NDST4: variants seen among roughly 807,000 people sequenced by gnomAD.
The protein encoded by NDST4 is N-deacetylase and N-sulfotransferase 4, also known as N-heparan sulfate sulfotransferase 4.
In NDST4, 63 loss-of-function variants were observed where a neutral mutation model predicts 100.8. The ratio of observed to expected loss-of-function variants is 0.62; its 90% CI spans 0.51 to 0.77. The LOEUF (loss-of-function observed/expected upper bound fraction) is 0.77, where lower values mean the gene tolerates loss of function less well. Ranked by LOEUF, NDST4 falls within the 30% of genes least tolerant of loss-of-function variation. The probability of loss-of-function intolerance (pLI) is 0.00; values close to 1 mark genes in which losing one functional copy is unlikely to be tolerated. For synonymous variants in NDST4, 377 were observed against 361.8 expected (o/e 1.04, Z -0.48); for missense variants, 943 against 1,018.4 (o/e 0.93, Z 1.01).
intron 2 of NDST4, among the ~76,000 whole-genome samples, chr4:115,036,195 G>A (rs954705578): frequency 6.6e-6 from 1 of 151,408 alleles, no homozygotes; most frequent in African/African-American, 2.4e-5. Context: ...GTTGGAAAAT[G>A]TTTTCTAATT....
At chr4:115,024,157 T>C (rs1482314892) in intron 2 of NDST4, among the ~76,000 whole-genome samples, 2 of 152,048 alleles carry the variant, frequency 1.3e-5, no homozygotes, top group Non-Finnish European at 2.9e-5. Flanking sequence ...CAGCCCCCAC[T>C]AGGAAAATGC....
chr4:114,979,776 T>A (rs774976655), intron 2 of NDST4, among the ~76,000 whole-genome samples: 8 of 152,078 alleles, frequency 5.3e-5, no homozygotes, highest in Non-Finnish European at 1.0e-4. Context: ...TATCTAGTCA[T>A]GGCCTACTAA....
At chr4:114,951,034 A>G (rs1227983166) in intron 4 of NDST4, among the ~76,000 whole-genome samples, 1 of 152,036 alleles carries the variant, frequency 6.6e-6, no homozygotes, top group Non-Finnish European at 1.5e-5. Flanking sequence ...GGAAGTCAGG[A>G]AAGAAAAGAA....
chr4:115,053,124 T>C (rs1166967003), intron 2 of NDST4, among the ~76,000 whole-genome samples: 1 of 152,174 alleles, frequency 6.6e-6, no homozygotes, highest in Non-Finnish European at 1.5e-5. Context: ...GGAGACATAA[T>C]GTATTGACTG....
At position 115,028,701 on chromosome 4, in the gene NDST4, T is replaced by C. The variant is rs146809123; in HGVS notation, c.978+47358A>G. On this transcript the variant is annotated intron_variant, in intron 2 of 13. Transcript: ENST00000264363. ...TAGATGTATGGCAATATAATAAAAATTGAAAAGACTAATTATGAATAGGAA... is the reference window on the plus strand; with the variant it reads ...TAGATGTATGGCAATATAATAAAAACTGAAAAGACTAATTATGAATAGGAA... Among the ~76,000 whole-genome samples the C allele has an allele frequency of 5.6e-3, 852 of 152,110 alleles. 10 individuals carry two copies. The highest frequency in any genetic ancestry group is 0.02 in the African/African-American group (816 of 41,516).
chr4:114,848,421 T>C (rs1441612630), intron 8 of NDST4, 83 bp from the exon 9 acceptor site: 23 of 1,092,972 alleles, frequency 2.1e-5, no homozygotes, highest in Non-Finnish European at 2.8e-5. Flanking sequence ...CAAAAAGTAA[T>C]ATTAAAATAA....
chr4:114,882,276 C>T (rs1270744017), intron 6 of NDST4, among the ~76,000 whole-genome samples: 1 of 151,774 alleles, frequency 6.6e-6, no homozygotes, highest in East Asian at 1.9e-4. Context: ...CAAGAAGATT[C>T]CCCTCAAAGC....
At position 114,873,334 on chromosome 4, in the gene NDST4, G is replaced by A. The variant is rs192253555; in HGVS notation, c.1537-2384C>T. ...AGTTAAACCACTTAATCTCTTTAAA[G>A]TTAAACCTCTAAATATTAGTTGACA... On this transcript the variant is annotated intron_variant, in intron 6 of 13. Transcript: ENST00000264363. Among the ~76,000 whole-genome samples the A allele has an allele frequency of 1.2e-3, 186 of 151,570 alleles. 1 individual carries two copies. The highest frequency in any genetic ancestry group is 4.8e-3 in the Admixed American group (73 of 15,210).
chr4:115,083,187 A>T (rs1408408335), intron 1 of NDST4, among the ~76,000 whole-genome samples: 1 of 152,220 alleles, frequency 6.6e-6, no homozygotes, highest in Non-Finnish European at 1.5e-5. Flanking sequence ...ATTGTGGCTC[A>T]CACATGTAAT....
At chr4:114,848,850 A>G (rs1442716703) in intron 8 of NDST4, among the ~76,000 whole-genome samples, 4 of 152,214 alleles carry the variant, frequency 2.6e-5, no homozygotes, top group East Asian at 1.9e-4. Context: ...CAATGAACTT[A>G]AAGTCCCTGT....
chr4:114,938,919 C>T lies in NDST4; in HGVS notation c.1222-1416G>A, dbSNP rs116162044. Reference sequence around the variant, plus strand: ...TCAATGCTGTAAAATGAGCTAGAGTCTTTTGCTAGACACTGGGGAGAATTT... The same window carrying T: ...TCAATGCTGTAAAATGAGCTAGAGTTTTTTGCTAGACACTGGGGAGAATTT... On this transcript the variant is annotated intron_variant, in intron 4 of 13. Transcript: ENST00000264363. Among the ~76,000 whole-genome samples the T allele has an allele frequency of 3.2e-3, 483 of 152,274 alleles. 2 individuals carry two copies. Among genetic ancestry groups the T allele is most frequent in the African/African-American group, 0.011 (457 of 41,556 alleles).
intron 6 of NDST4, among the ~76,000 whole-genome samples, chr4:114,883,589 C>G (rs1316312812): frequency 3.9e-5 from 6 of 152,046 alleles, no homozygotes; most frequent in African/African-American, 1.4e-4. Flanking sequence ...ATAAATAATT[C>G]AACCATATCA....
intron 1 of NDST4, among the ~76,000 whole-genome samples, chr4:115,084,456 C>A (rs894088145): frequency 6.6e-6 from 1 of 152,180 alleles, no homozygotes; most frequent in African/African-American, 2.4e-5. Flanking sequence ...ATCACCAAGA[C>A]AATGGGGAAA....
At chr4:114,959,983 T>C (rs751594009) in intron 4 of NDST4, among the ~76,000 whole-genome samples, 3 of 152,154 alleles carry the variant, frequency 2.0e-5, no homozygotes, top group Non-Finnish European at 4.4e-5. Flanking sequence ...CATATGCAGA[T>C]ATATCATCAT....
At chr4:115,039,829 T>C (rs1728313247) in intron 2 of NDST4, among the ~76,000 whole-genome samples, 1 of 152,078 alleles carries the variant, frequency 6.6e-6, no homozygotes, top group Non-Finnish European at 1.5e-5. Flanking sequence ...AGTCTTACAT[T>C]TATATATCCT....
chr4:115,008,941 CAA>C (rs1173322462), intron 2 of NDST4, among the ~76,000 whole-genome samples: 1 of 127,798 alleles, frequency 7.8e-6, no homozygotes, highest in Non-Finnish European at 1.7e-5. Context: ...ACAATTGCTT[CAA>C]AGAGAATAAA....
In NDST4 at chr4:115,048,800, G is replaced by GGCA. The variant is rs1728519722; in HGVS notation, c.978+27258_978+27259insTGC. Among the ~76,000 whole-genome samples the GGCA allele has an allele frequency of 2.0e-5, 3 of 151,972 alleles. 1 individual carries two copies. The highest frequency in any genetic ancestry group is 2.9e-5 in the Non-Finnish European group (2 of 67,992). On this transcript the variant is annotated intron_variant, in intron 2 of 13. Coordinates refer to ENST00000264363, the MANE Select transcript of NDST4 (RefSeq NM_022569.3). ...TTACAGGAAAGTGCCACTGCACCCG[G>GGCA]CTAATTTTTTGTATTTTTAGTAGAG... is the stretch of plus-strand genomic sequence containing the variant.
chr4:114,878,236 T>C (rs943739103), intron 6 of NDST4, among the ~76,000 whole-genome samples: 4 of 152,136 alleles, frequency 2.6e-5, no homozygotes, highest in South Asian at 4.1e-4. Flanking sequence ...AGGAGCTCTA[T>C]TGCTCCATGT....
chr4:114,831,100 C>A (rs1320241926), intron 12 of NDST4, among the ~76,000 whole-genome samples: 1 of 151,058 alleles, frequency 6.6e-6, no homozygotes, highest in South Asian at 2.1e-4. Flanking sequence ...GGCCGGACTG[C>A]GGACTGCAGT....
Sources: allele counts gnomAD v4.1 joint callset (sites outside exome capture counted in the v4.1 genomes callset), GRCh38; gene constraint gnomAD v4.1.1; transcripts MANE v1.5; gene names NCBI Gene and HGNC (gene_info 2026-07-23, HGNC 2026-07-21).